The following ZNF518A variants were observed in gnomAD, a reference collection of about 807,000 sequenced individuals.
ZNF518A encodes the protein zinc finger protein 518.
Under a neutral mutation model 102.7 loss-of-function variants are expected in ZNF518A, and 47 were observed. The ratio of observed to expected loss-of-function variants is 0.46; its 90% CI spans 0.36 to 0.58. The LOEUF (loss-of-function observed/expected upper bound fraction) is 0.58, where lower values mean the gene tolerates loss of function less well. Among genes scored for constraint, ZNF518A ranks in the 20% least tolerant of loss-of-function variants. The probability of loss-of-function intolerance (pLI) is 0.00; values close to 1 mark genes in which losing one functional copy is unlikely to be tolerated. For synonymous variants in ZNF518A, 652 were observed against 594.6 expected (o/e 1.10, Z -1.40); for missense variants, 1,793 against 1,699.8 (o/e 1.05, Z -0.96).
At chr10:96,192,207 C>T (rs587730160) in intron 1 of ZNF518A, 21 of 1,385,930 alleles carry the variant, frequency 1.5e-5, no homozygotes, top group African/African-American at 1.3e-4. Flanking sequence ...CCCCAGCTGA[C>T]ATTCTGCACA....
intron 4 of ZNF518A, 37 bp downstream of exon 4, chr10:96,155,413 G>A (rs1191187986): frequency 1.3e-5 from 2 of 152,146 alleles, no homozygotes; most frequent in South Asian, 2.1e-4. Context: ...GTAGTGATGG[G>A]TATGTTCTAA....
At chr10:96,144,604 C>G (rs2082086143) in intron 3 of ZNF518A, among the ~76,000 whole-genome samples, 1 of 152,048 alleles carries the variant, frequency 6.6e-6, no homozygotes, top group African/African-American at 2.4e-5. Context: ...GAAGAACTTG[C>G]AAAGGTTGTA....
chr10:96,154,077 A>G lies in ZNF518A; in HGVS notation c.-301-1249A>G, dbSNP rs3827856. On this transcript the variant is annotated intron_variant, in intron 3 of 5. Coordinates refer to ENST00000316045, the MANE Select transcript of ZNF518A (RefSeq NM_001330736.2). ...CCTAGTCCCTGAAGGAGAACTGAACACATGATTTAGTAATACTATTTTCTT... is the reference window on the plus strand; with the variant it reads ...CCTAGTCCCTGAAGGAGAACTGAACGCATGATTTAGTAATACTATTTTCTT... Among the ~76,000 whole-genome samples, 1,251 of 152,284 alleles carry G rather than the reference A, an allele frequency of 8.2e-3. 96 individuals are homozygous for G. The East Asian group carries it at 0.17, about 21-fold the overall frequency.
At chr10:96,196,810 T>C in intron 1 of ZNF518A, 2 of 1,223,494 alleles carry the variant, frequency 1.6e-6, no homozygotes. Flanking sequence ...CAAGTACTTT[T>C]GTATCCTTTC....
downstream of ZNF518A, among the ~76,000 whole-genome samples, chr10:96,165,444 C>T (rs770305885): frequency 9.6e-6 from 1 of 103,850 alleles, no homozygotes; most frequent in Non-Finnish European, 2.1e-5. Flanking sequence ...CAAAATAATA[C>T]AAGCCTGCCA....
intron 1 of ZNF518A, among the ~76,000 whole-genome samples, chr10:96,182,754 C>T (rs1447986945): frequency 3.3e-5 from 5 of 152,160 alleles, no homozygotes; most frequent in East Asian, 1.9e-4. Context: ...ATTTTTGCAT[C>T]GATATTCATC....
In ZNF518A at chr10:96,162,851, T is replaced by C. The variant is rs1180913458; in HGVS notation, c.*2077T>C. On this transcript the variant is annotated 3_prime_UTR_variant, in exon 6 of 6. Transcript: ENST00000316045. ...GTTAACTCTACAAGATAGATAAAAGTGTGGGATTTTTTTTCTTCCCAAAAT... is the reference window on the plus strand; with the variant it reads ...GTTAACTCTACAAGATAGATAAAAGCGTGGGATTTTTTTTCTTCCCAAAAT... 11 of 167,042 alleles carry C rather than the reference T, an allele frequency of 6.6e-5. No homozygotes were observed. The highest frequency in any genetic ancestry group is 2.6e-4 in the African/African-American group (11 of 41,568). The allele number at this position is 167,042 out of a possible 1,614,324, so 10.3% of individuals were successfully genotyped here.
intron 3 of ZNF518A, among the ~76,000 whole-genome samples, chr10:96,133,982 A>G (rs2081471078): frequency 6.6e-6 from 1 of 152,244 alleles, no homozygotes; most frequent in Admixed American, 6.5e-5. Context: ...GTACTGTGTT[A>G]TTCCTGAAGA....
chr10:96,149,590 G>A (rs1035595853), intron 3 of ZNF518A, among the ~76,000 whole-genome samples: 1 of 152,286 alleles, frequency 6.6e-6, no homozygotes, highest in South Asian at 2.1e-4. Context: ...CCTCCCACAA[G>A]CTGGCAGTTC....
intron 2 of ZNF518A, chr10:96,203,767 G>A (rs891652089): frequency 4.0e-5 from 10 of 247,606 alleles, no homozygotes. Flanking sequence ...TTTGAAAACA[G>A]CTGTATTGTT....
intron 1 of ZNF518A, among the ~76,000 whole-genome samples, chr10:96,172,857 T>C (rs1162030733): frequency 4.6e-5 from 7 of 152,062 alleles, no homozygotes; most frequent in African/African-American, 7.2e-5. Flanking sequence ...GATTAAACAG[T>C]CCAATCAAAA....
chr10:96,172,068 A>T (rs1423745120), intron 1 of ZNF518A, among the ~76,000 whole-genome samples: 1 of 152,128 alleles, frequency 6.6e-6, no homozygotes, highest in East Asian at 1.9e-4. Flanking sequence ...AAATAAGCAA[A>T]ATGAGAATTC....
chr10:96,143,974 C>T (rs2082056710), intron 3 of ZNF518A, among the ~76,000 whole-genome samples: 1 of 152,264 alleles, frequency 6.6e-6, no homozygotes, highest in Admixed American at 6.5e-5. Flanking sequence ...TTCTGTGCCT[C>T]AGTCTGCAGC....
chr10:96,149,435 A>G (rs1278461996), intron 3 of ZNF518A, among the ~76,000 whole-genome samples: 1 of 152,210 alleles, frequency 6.6e-6, no homozygotes, highest in African/African-American at 2.4e-5. Flanking sequence ...TACCCACTGT[A>G]GAGAGTAAGC....
At chr10:96,203,947 A>C (rs782276368) in exon 3 of ZNF518A, 154 of 828,500 alleles carry the variant, frequency 1.9e-4, no homozygotes, top group Non-Finnish European at 2.8e-4. Context: ...AGAAGATGCC[A>C]GGATAACGCA....
In ZNF518A at chr10:96,158,067, A is replaced by G. The variant is rs2082789740; in HGVS notation, c.1745A>G (p.His582Arg). The change falls in exon 6 of 6, where the codon CAT becomes CGT. Residue 582 changes from histidine (H) to arginine (R), a missense_variant. Around this residue, in one of 3 missense-constraint regions of ZNF518A, gnomAD observed 1,741 missense variants for 1,622.6 expected, o/e 1.07. Transcript: ENST00000316045. Reference sequence around the variant, plus strand: ...GATAATGTTGACTTCTGGGGAAATCATCTCACTCAGAGTCACCCCGAGGTA... The same window carrying G: ...GATAATGTTGACTTCTGGGGAAATCGTCTCACTCAGAGTCACCCCGAGGTA... ...TRDNVDFWGNHLTQSHPEVLG... is the reference protein window; with the variant it reads ...TRDNVDFWGNRLTQSHPEVLG... The G allele has an allele frequency of 7.4e-6, 12 of 1,613,584 alleles. No homozygotes were observed. The highest frequency in any genetic ancestry group is 1.3e-5 in the African/African-American group (1 of 74,930).
chr10:96,134,109 A>G (rs1190956280), intron 3 of ZNF518A, among the ~76,000 whole-genome samples: 1 of 152,266 alleles, frequency 6.6e-6, no homozygotes, highest in Non-Finnish European at 1.5e-5. Flanking sequence ...CATGAAGCTC[A>G]AAGGCAATCA....
intron 1 of ZNF518A, among the ~76,000 whole-genome samples, chr10:96,187,596 G>T (rs587698759): frequency 6.6e-6 from 1 of 152,308 alleles, no homozygotes; most frequent in South Asian, 2.1e-4. Flanking sequence ...CTGGACACAG[G>T]CGTAGCTTTT....
chr10:96,203,750 T>G (rs943805410), intron 2 of ZNF518A: 6 of 234,180 alleles, frequency 2.6e-5, no homozygotes, highest in Non-Finnish European at 5.0e-5. Context: ...TTACTTGATC[T>G]TATTATTTTG....
Sources: allele counts gnomAD v4.1 joint callset (sites outside exome capture counted in the v4.1 genomes callset), GRCh38; gene constraint gnomAD v4.1.1; regional missense constraint gnomAD v4.1.1; transcripts MANE v1.5; gene names NCBI Gene and HGNC (gene_info 2026-07-23, HGNC 2026-07-21).